The following GGA2 variants were observed in gnomAD, a reference collection of about 807,000 sequenced individuals.
GGA2 encodes golgi associated, gamma adaptin ear containing, ARF binding protein 2, also known as ADP-ribosylation factor-binding protein GGA2.
A neutral mutation model predicts 79.5 loss-of-function variants in GGA2; 48 were observed. That is an observed-to-expected ratio of 0.60 (90% CI 0.48 to 0.77). GGA2 has a LOEUF of 0.77. Among genes scored for constraint, GGA2 ranks in the 30% least tolerant of loss-of-function variants. The probability of loss-of-function intolerance (pLI) is 0.00; values close to 1 mark genes in which losing one functional copy is unlikely to be tolerated. For missense variants in GGA2, 770 were observed against 774.0 expected, an observed-to-expected ratio of 0.99 and a Z score of 0.06; for synonymous variants, 317 against 302.0, an observed-to-expected ratio of 1.05 and a Z score of -0.51.
At chr16:23,512,822 A>T (rs893946703), upstream of GGA2, among the ~76,000 whole-genome samples, 1 of 141,632 alleles carries the variant, frequency 7.1e-6, no homozygotes, top group African/African-American at 2.7e-5. Context: ...CCCCTGCCTC[A>T]GCCTCCTGAG....
In GGA2 at chr16:23,478,447, G is replaced by C. The variant is rs554127818; in HGVS notation, c.1213C>G (p.Pro405Ala). The change falls in exon 13 of 17, where the codon CCA (proline) becomes GCA (alanine). Residue 405 changes from proline to alanine, a missense_variant. Pro to Ala is a conservative substitution (Grantham distance 27). Transcript: ENST00000309859. ...EKRNPSSSTL[P>A]GGGVQNPSAD... ...GAAGGGTTCTGAACACCACCGCCTGGCAGCGTGCTGGAGGAGGGATTCCTC... is the reference window on the plus strand; with the variant it reads ...GAAGGGTTCTGAACACCACCGCCTGCCAGCGTGCTGGAGGAGGGATTCCTC... The C allele has an allele frequency of 6.2e-7, 1 of 1,611,382 alleles. No homozygotes were observed. The highest frequency in any genetic ancestry group is 2.2e-5 in the East Asian group (1 of 44,816).
chr16:23,493,299 C>T, intron 4 of GGA2, 61 bp downstream of exon 4: 1 of 996,252 alleles, frequency 1.0e-6, no homozygotes, highest in Non-Finnish European at 1.6e-6. Flanking sequence ...AGGAGGGAGC[C>T]AGGAGTTTGA....
intron 1 of GGA2, among the ~76,000 whole-genome samples, chr16:23,503,284 T>C (rs1017545445): frequency 4.6e-5 from 7 of 152,238 alleles, no homozygotes; most frequent in Admixed American, 2.0e-4. Flanking sequence ...TGTCTGAAGA[T>C]GAAATATTAG....
upstream of GGA2, among the ~76,000 whole-genome samples, chr16:23,513,604 T>G (rs1044626184): frequency 6.6e-6 from 1 of 151,650 alleles, no homozygotes; most frequent in Non-Finnish European, 1.5e-5. Context: ...GGCAACATGG[T>G]GAAACCGCGT....
In GGA2 at chr16:23,494,331, T is replaced by G. The variant is rs753561121; in HGVS notation, c.224A>C (p.Gln75Pro). ...WLLAHKIQSP[Q>P]EKEALYALTV... is the part of the protein sequence containing the mutation. Reference sequence around the variant, plus strand: ...TAAGGCATAAAGAGCTTCCTTCTCTTGCGGAGACTGGATCTTGTGGGCCAG... The same window carrying G: ...TAAGGCATAAAGAGCTTCCTTCTCTGGCGGAGACTGGATCTTGTGGGCCAG... The change falls in exon 3 of 17, where the codon CAA becomes CCA. Residue 75 changes from glutamine (Q) to proline (P), a missense_variant. Physicochemically the swap from Gln to Pro is moderately conservative, Grantham distance 76 (BLOSUM62 -1). Transcript: ENST00000309859. The G allele has an allele frequency of 6.2e-7, 1 of 1,612,890 alleles. No homozygotes were observed. Among genetic ancestry groups the G allele is most frequent in the Non-Finnish European group, 8.5e-7 (1 of 1,178,844 alleles).
chr16:23,498,357 G>A (rs1964881505), intron 1 of GGA2, among the ~76,000 whole-genome samples: 1 of 151,974 alleles, frequency 6.6e-6, no homozygotes, highest in Non-Finnish European at 1.5e-5. Flanking sequence ...AGCCCAGGAG[G>A]TGGAGGCTAC....
At chr16:23,483,036 GC>G in intron 8 of GGA2, 32 bp from the exon 9 acceptor site, 2 of 1,435,256 alleles carry the variant, frequency 1.4e-6, no homozygotes, top group Non-Finnish European at 2.0e-6. Context: ...CATGACACAC[GC>G]CCAGGCACCC....
chr16:23,506,618 C>T (rs1964976080), intron 1 of GGA2, among the ~76,000 whole-genome samples: 1 of 152,166 alleles, frequency 6.6e-6, no homozygotes, highest in Non-Finnish European at 1.5e-5. Flanking sequence ...GTGCACAGGT[C>T]AGCCCCCACA....
upstream of GGA2, among the ~76,000 whole-genome samples, chr16:23,515,122 T>C (rs1038325377): frequency 6.6e-6 from 1 of 150,472 alleles, no homozygotes; most frequent in Non-Finnish European, 1.5e-5. Context: ...TTCATGGGGT[T>C]TTTTTTTTCC....
At position 23,479,817 on chromosome 16, in the gene GGA2, C is replaced by A; in HGVS notation, c.1077G>T (p.Ala359=). 6.2e-7 allele frequency: 1 copy of A among 1,614,108 alleles called. No homozygotes were observed. The highest frequency in any genetic ancestry group is 1.3e-5 in the African/African-American group (1 of 75,054). ...LIDLEVDNGP[A]QMGTVVPSLL... is the part of the protein sequence containing the mutation. Reference sequence around the variant, plus strand: ...AAGATGGCACCACAGTCCCCATCTGCGCAGGTCCATTGTCCACCTCCAAGT... The same window carrying A: ...AAGATGGCACCACAGTCCCCATCTGAGCAGGTCCATTGTCCACCTCCAAGT... Residue 359 remains alanine, a synonymous_variant, in exon 11 of 17, where the codon GCG becomes GCT. Coordinates refer to ENST00000309859, the MANE Select transcript of GGA2 (RefSeq NM_015044.4).
chr16:23,522,862 C>CTTGGCTGGAATTGAAGGACCAGCT (rs1029904734), upstream of GGA2: 1 of 152,184 alleles, frequency 6.6e-6, no homozygotes, highest in African/African-American at 2.4e-5. Flanking sequence ...CATGTGAATG[C>CTTGGCTGGAATTGAAGGACCAGCT]TTGGCTGGAA....
upstream of GGA2, among the ~76,000 whole-genome samples, chr16:23,511,995 G>C (rs1356126183): frequency 3.5e-5 from 5 of 141,254 alleles, no homozygotes; most frequent in African/African-American, 1.3e-4. Flanking sequence ...AGAGTTATGA[G>C]ACTTCTCAAA....
Position 23,488,589 on chromosome 16 carries a change from T to C in GGA2, c.579+17A>G. ...AGAAAAGGTCTGATCAGACACCATGTAGGTCTGTTTCCTTACCTTGGACTT... is the reference window on the plus strand; with the variant it reads ...AGAAAAGGTCTGATCAGACACCATGCAGGTCTGTTTCCTTACCTTGGACTT... On this transcript the variant is annotated intron_variant, in intron 6 of 16. Coordinates refer to ENST00000309859, the MANE Select transcript of GGA2 (RefSeq NM_015044.4). 7.3e-7 allele frequency: 1 copy of C among 1,376,284 alleles called. No homozygotes were observed. The highest frequency in any genetic ancestry group is 1.2e-5 in the South Asian group (1 of 86,324). 85.3% of individuals were successfully genotyped at this position (1,376,284 alleles called of 1,614,324 possible).
intron 14 of GGA2, among the ~76,000 whole-genome samples, chr16:23,473,031 CAAA>C (rs71379682): frequency 3.5e-5 from 4 of 114,498 alleles, no homozygotes; most frequent in Admixed American, 1.0e-4. Flanking sequence ...ACTCTGTCTC[CAAA>C]AAAAAAAAAA....
upstream of GGA2, among the ~76,000 whole-genome samples, chr16:23,515,135 A>C (rs896264500): frequency 6.6e-6 from 1 of 150,694 alleles, no homozygotes; most frequent in Non-Finnish European, 1.5e-5. Flanking sequence ...TTTTTTCCTT[A>C]ATCTAAAAGA....
intron 1 of GGA2, among the ~76,000 whole-genome samples, chr16:23,521,170 C>T (rs1452948394): frequency 6.6e-6 from 1 of 152,154 alleles, no homozygotes; most frequent in Non-Finnish European, 1.5e-5. Context: ...TTTAAATATA[C>T]AGTTCAGCGG....
At chr16:23,494,051 C>T in intron 3 of GGA2, 1 of 523,876 alleles carries the variant, frequency 1.9e-6, no homozygotes, top group East Asian at 3.2e-5. Context: ...CTAAGAAGGG[C>T]AAATGAAATA....
intron 9 of GGA2, among the ~76,000 whole-genome samples, chr16:23,481,013 C>T (rs752230197): frequency 5.3e-5 from 8 of 152,174 alleles, no homozygotes; most frequent in African/African-American, 1.9e-4. Context: ...CTGTACTGTC[C>T]AGAGTAATGG....
upstream of GGA2, chr16:23,524,351 C>T: frequency 3.1e-6 from 5 of 1,607,062 alleles, no homozygotes; most frequent in Non-Finnish European, 4.3e-6. Context: ...GCGATCTCCA[C>T]TGCCCGAAAC....
Sources: gnomAD v4.1 joint callset for allele counts (sites outside exome capture counted in the v4.1 genomes callset) on GRCh38, gnomAD v4.1.1 for gene constraint, MANE v1.5 for transcripts, NCBI Gene and HGNC (gene_info 2026-07-23, HGNC 2026-07-21) for gene names.